TMTC2: variants seen among roughly 807,000 people sequenced by gnomAD.
TMTC2 encodes the protein transmembrane O-mannosyltransferase targeting cadherins 2.
TMTC2 carries 43 observed loss-of-function variants against 82.4 expected under a neutral mutation model. The observed-to-expected ratio is 0.52, with a 90% CI of 0.41 to 0.67. The LOEUF is 0.67. Among genes scored for constraint, TMTC2 ranks in the 30% least tolerant of loss-of-function variants. TMTC2 has a pLI of 0.00. For missense variants in TMTC2, 919 were observed against 1,012.4 expected, an observed-to-expected ratio of 0.91 and a Z score of 1.25; for synonymous variants, 408 against 381.9, an observed-to-expected ratio of 1.07 and a Z score of -0.80.
At chr12:82,845,252 A>AATATAT (rs1555190263) in intron 1 of TMTC2, among the ~76,000 whole-genome samples, 393 of 38,792 alleles carry the variant, frequency 0.01, 10 homozygotes, top group African/African-American at 0.024. Context: ...AAAAAAAAAA[A>AATATAT]ATATATATAT....
chr12:82,921,522 C>T (rs561565131), intron 3 of TMTC2, among the ~76,000 whole-genome samples: 38 of 152,094 alleles, frequency 2.5e-4, no homozygotes, highest in Non-Finnish European at 4.3e-4. Flanking sequence ...CCCATTCTTT[C>T]GCTCTCTTTA....
intron 2 of TMTC2, among the ~76,000 whole-genome samples, chr12:82,879,932 G>A (rs1019109327): frequency 2.6e-5 from 4 of 152,156 alleles, no homozygotes; most frequent in Non-Finnish European, 4.4e-5. Context: ...ACTGGATGCC[G>A]GGACTTCATC....
intron 1 of TMTC2, among the ~76,000 whole-genome samples, chr12:82,810,995 T>A (rs948567737): frequency 6.6e-6 from 1 of 152,044 alleles, no homozygotes; most frequent in Admixed American, 6.6e-5. Flanking sequence ...TTTGGGAGGC[T>A]GAGGCAGGTG....
intron 3 of TMTC2, among the ~76,000 whole-genome samples, chr12:82,911,846 G>C (rs987545584): frequency 6.6e-6 from 1 of 152,170 alleles, no homozygotes; most frequent in Non-Finnish European, 1.5e-5. Context: ...CTGTCCTCAA[G>C]TGATCTGACC....
At chr12:83,086,248 C>T (rs1039224003) in intron 11 of TMTC2, among the ~76,000 whole-genome samples, 2 of 151,458 alleles carry the variant, frequency 1.3e-5, no homozygotes, top group Non-Finnish European at 2.9e-5. Flanking sequence ...TTCCCTATGG[C>T]GCAGTGGCCG....
At chr12:83,070,123 C>T (rs886226091) in intron 11 of TMTC2, among the ~76,000 whole-genome samples, 9 of 152,162 alleles carry the variant, frequency 5.9e-5, no homozygotes, top group African/African-American at 2.2e-4. Context: ...TAGTATAATG[C>T]CTCTAGGTTT....
chr12:82,804,659 T>A (rs554452745), intron 1 of TMTC2, among the ~76,000 whole-genome samples: 1 of 152,260 alleles, frequency 6.6e-6, no homozygotes, highest in Admixed American at 6.5e-5. Context: ...GATAGCAATT[T>A]AAAATTGACA....
chr12:82,772,443 A>T (rs12314951), intron 1 of TMTC2, among the ~76,000 whole-genome samples: 7,328 of 151,922 alleles, frequency 0.048, 596 homozygotes, highest in African/African-American at 0.17. Flanking sequence ...ATTAATTAAA[A>T]TTTTTTTTTA....
intron 3 of TMTC2, 88 bp downstream of exon 3, chr12:82,896,734 AGGAG>A: frequency 4.8e-6 from 5 of 1,041,368 alleles, no homozygotes; most frequent in Non-Finnish European, 6.9e-6. Context: ...CACAGTATTA[AGGAG>A]GAAGAGGTCC....
chr12:82,697,401 C>T (rs186882488), intron 1 of TMTC2, among the ~76,000 whole-genome samples: 3 of 149,806 alleles, frequency 2.0e-5, no homozygotes, highest in East Asian at 2.0e-4. Context: ...TTCCCACGTA[C>T]AGCAGATGCT....
chr12:82,818,547 G>C (rs1394158263), intron 1 of TMTC2, among the ~76,000 whole-genome samples: 2 of 152,132 alleles, frequency 1.3e-5, no homozygotes, highest in African/African-American at 4.8e-5. Flanking sequence ...CAAGGCTGTA[G>C]GTGAAGTATT....
intron 9 of TMTC2, among the ~76,000 whole-genome samples, chr12:83,035,717 G>A (rs1354732976): frequency 6.6e-6 from 1 of 152,042 alleles, no homozygotes; most frequent in Admixed American, 6.6e-5. Context: ...TCTCATGTGG[G>A]CCTGTAATTC....
intron 1 of TMTC2, among the ~76,000 whole-genome samples, chr12:82,696,744 A>T (rs1357559873): frequency 6.6e-6 from 1 of 151,842 alleles, no homozygotes; most frequent in Admixed American, 6.6e-5. Flanking sequence ...TTTTCAATAC[A>T]CTCCTGGCAT....
At chr12:82,994,033 G>C (rs998516641) in intron 8 of TMTC2, among the ~76,000 whole-genome samples, 2 of 152,134 alleles carry the variant, frequency 1.3e-5, no homozygotes, top group Non-Finnish European at 2.9e-5. Context: ...GGGTGCTAGT[G>C]AGCCATTTGG....
chr12:82,733,597 T>A (rs1331869886), intron 1 of TMTC2, among the ~76,000 whole-genome samples: 1 of 152,212 alleles, frequency 6.6e-6, no homozygotes, highest in Non-Finnish European at 1.5e-5. Flanking sequence ...ACGATATCCT[T>A]TGTAGAAGAC....
chr12:82,831,205 T>C (rs1183555052), intron 1 of TMTC2, among the ~76,000 whole-genome samples: 2 of 152,210 alleles, frequency 1.3e-5, no homozygotes, highest in Non-Finnish European at 2.9e-5. Flanking sequence ...AAGGTTACTA[T>C]ATATCTAGAG....
chr12:83,063,726 T>C (rs1268881180), intron 11 of TMTC2, among the ~76,000 whole-genome samples: 1 of 151,912 alleles, frequency 6.6e-6, no homozygotes, highest in East Asian at 1.9e-4. Context: ...ATTTATTCAG[T>C]AATATTTACA....
chr12:82,850,664 A>G lies in TMTC2; in HGVS notation c.84-6346A>G, dbSNP rs193012057. 4.5e-4 allele frequency among the ~76,000 whole-genome samples: 68 copies of G among 152,326 alleles called. 2 individuals are homozygous for G. Among genetic ancestry groups the G allele is most frequent in the African/African-American group, 1.6e-3 (67 of 41,546 alleles). On this transcript the variant is annotated intron_variant, in intron 1 of 11. Transcript: ENST00000321196. Reference sequence around the variant, plus strand: ...TGCTAAAGACTACAGTTATCACTTCATAAATGCTTATTGTCTTTTTCAAAG... The same window carrying G: ...TGCTAAAGACTACAGTTATCACTTCGTAAATGCTTATTGTCTTTTTCAAAG...
chr12:83,033,536 A>G (rs998439439), intron 9 of TMTC2, among the ~76,000 whole-genome samples: 69 of 152,244 alleles, frequency 4.5e-4, no homozygotes, highest in African/African-American at 1.6e-3. Flanking sequence ...GCAGATCACT[A>G]GGTCAGGAGT....
Sources: allele counts gnomAD v4.1 joint callset (sites outside exome capture counted in the v4.1 genomes callset), GRCh38; gene constraint gnomAD v4.1.1; transcripts MANE v1.5; gene names NCBI Gene and HGNC (gene_info 2026-07-23, HGNC 2026-07-21).